The following FAM227B variants were observed in gnomAD, a reference collection of about 807,000 sequenced individuals.
FAM227B encodes the protein family with sequence similarity 227 member B.
Under a neutral mutation model 73.8 loss-of-function variants are expected in FAM227B, and 88 were observed. The ratio of observed to expected loss-of-function variants is 1.19; its 90% CI spans 1.00 to 1.42. The LOEUF (loss-of-function observed/expected upper bound fraction) is 1.42, where lower values mean the gene tolerates loss of function less well. Among genes scored for constraint, FAM227B ranks in the 40% most tolerant of loss-of-function variants. The probability of loss-of-function intolerance (pLI) is 0.00; values close to 1 mark genes in which losing one functional copy is unlikely to be tolerated. For missense variants in FAM227B, 632 were observed against 590.9 expected (o/e 1.07, Z -0.72); for synonymous variants, 210 against 190.5 (o/e 1.10, Z -0.84).
At chr15:49,395,739 C>T (rs1250775728) in intron 11 of FAM227B, among the ~76,000 whole-genome samples, 25 of 152,142 alleles carry the variant, frequency 1.6e-4, no homozygotes, top group African/African-American at 4.8e-5. Flanking sequence ...GTTCTTACAG[C>T]GACTACGAGG....
intron 15 of FAM227B, chr15:49,331,554 G>A (rs1038159829): frequency 1.9e-5 from 9 of 477,826 alleles, no homozygotes; most frequent in Non-Finnish European, 1.8e-5. Flanking sequence ...TACATAAACT[G>A]TTCCTGGTCA....
intron 13 of FAM227B, among the ~76,000 whole-genome samples, chr15:49,352,918 G>A (rs1200667106): frequency 1.3e-5 from 2 of 152,124 alleles, no homozygotes; most frequent in African/African-American, 4.8e-5. Flanking sequence ...TGTTACACTG[G>A]TGTTCTGTCT....
intron 11 of FAM227B, among the ~76,000 whole-genome samples, chr15:49,378,066 C>G (rs1380004666): frequency 6.6e-6 from 1 of 152,118 alleles, no homozygotes; most frequent in Non-Finnish European, 1.5e-5. Context: ...TAGTTTCAGT[C>G]TTCTGAATAT....
chr15:49,443,948 G>A (rs1456140071), intron 11 of FAM227B, among the ~76,000 whole-genome samples: 14 of 151,538 alleles, frequency 9.2e-5, no homozygotes. Flanking sequence ...TTTACATCAT[G>A]CTTCTACATA....
chr15:49,352,431 TTAAG>T, intron 13 of FAM227B, among the ~76,000 whole-genome samples: 1 of 152,290 alleles, frequency 6.6e-6, no homozygotes, highest in South Asian at 2.1e-4. Flanking sequence ...AGGACTTATG[TTAAG>T]TAAGTCCACT....
chr15:49,378,289 T>C (rs1034475640), intron 11 of FAM227B, among the ~76,000 whole-genome samples: 2 of 152,020 alleles, frequency 1.3e-5, no homozygotes, highest in African/African-American at 4.8e-5. Context: ...AGGATAGCTT[T>C]GGTTTTTCTT....
chr15:49,509,927 T>A (rs1417933708), intron 10 of FAM227B, among the ~76,000 whole-genome samples: 1 of 152,188 alleles, frequency 6.6e-6, no homozygotes, highest in Non-Finnish European at 1.5e-5. Context: ...ATAAAATTTA[T>A]ACAGACATAC....
chr15:49,585,706 G>A (rs959244326), intron 5 of FAM227B, among the ~76,000 whole-genome samples: 1 of 152,154 alleles, frequency 6.6e-6, no homozygotes, highest in Non-Finnish European at 1.5e-5. Context: ...GTGGGTGGAG[G>A]GGGGAGGGAT....
At chr15:49,613,961 T>C (rs1001563723) in intron 2 of FAM227B, among the ~76,000 whole-genome samples, 4 of 152,222 alleles carry the variant, frequency 2.6e-5, no homozygotes, top group South Asian at 2.1e-4. Context: ...ATAATATCTC[T>C]AGCTTCATGG....
At chr15:49,562,269 A>T (rs2074320343) in intron 9 of FAM227B, among the ~76,000 whole-genome samples, 1 of 152,120 alleles carries the variant, frequency 6.6e-6, no homozygotes, top group South Asian at 2.1e-4. Flanking sequence ...AAATTCCTAG[A>T]AATATAAAAC....
intron 5 of FAM227B, among the ~76,000 whole-genome samples, chr15:49,585,397 G>A (rs1171598739): frequency 6.6e-6 from 1 of 152,216 alleles, no homozygotes; most frequent in Admixed American, 6.5e-5. Flanking sequence ...GCACACGTAT[G>A]CTTACTGCGG....
At chr15:49,500,612 T>A (rs905429634) in intron 11 of FAM227B, among the ~76,000 whole-genome samples, 1 of 152,240 alleles carries the variant, frequency 6.6e-6, no homozygotes, top group Non-Finnish European at 1.5e-5. Context: ...CAAGTGTTAG[T>A]AAGGAAGTAA....
At chr15:49,611,292 T>C in intron 2 of FAM227B, 24 bp from the exon 3 acceptor site, 2 of 1,378,690 alleles carry the variant, frequency 1.5e-6, no homozygotes, top group Non-Finnish European at 2.1e-6. Flanking sequence ...ATCAACATTG[T>C]TCATTGGCAT....
intron 3 of FAM227B, among the ~76,000 whole-genome samples, chr15:49,601,099 T>G (rs2077177505): frequency 6.6e-6 from 1 of 150,460 alleles, no homozygotes; most frequent in South Asian, 2.1e-4. Flanking sequence ...CTGATTGTTT[T>G]GTATTAGGTT....
chr15:49,483,937 G>C (rs577693553), intron 11 of FAM227B, among the ~76,000 whole-genome samples: 1 of 152,028 alleles, frequency 6.6e-6, no homozygotes. Flanking sequence ...GGGAGGCAGA[G>C]GTTCTGCTAA....
At chr15:49,350,501 T>C (rs1567124361) in intron 13 of FAM227B, among the ~76,000 whole-genome samples, 1 of 152,230 alleles carries the variant, frequency 6.6e-6, no homozygotes, top group Non-Finnish European at 1.5e-5. Context: ...GTTAAGTTTT[T>C]ACTGGGAGAT....
chr15:49,593,684 C>T (rs1239035505), intron 3 of FAM227B, among the ~76,000 whole-genome samples: 3 of 151,892 alleles, frequency 2.0e-5, no homozygotes, highest in African/African-American at 7.3e-5. Flanking sequence ...TGAGAACATA[C>T]GATATTTGAT....
At position 49,367,554 on chromosome 15, in the gene FAM227B, C is replaced by G. The variant is rs1466160135; in HGVS notation, c.1165G>C (p.Gly389Arg). 1.2e-6 allele frequency: 2 copies of G among 1,605,140 alleles called. No homozygotes were observed. The change falls in exon 13 of 16, where the codon GGT becomes CGT. Residue 389 changes from glycine to arginine, a missense_variant. By Grantham distance (125) the Gly-to-Arg change is moderately radical. Transcript: ENST00000299338. Reference protein sequence around the residue: ...EFNRVLFNFGGQSPLILYYLK... With the variant: ...EFNRVLFNFGRQSPLILYYLK... ...TAATATAAAATCAATGGACTCTGAC[C>G]TCCAAAATTGAAGAGAACACGATTA...
intron 11 of FAM227B, among the ~76,000 whole-genome samples, chr15:49,489,877 TA>T (rs2056897222): frequency 2.8e-4 from 5 of 17,574 alleles, no homozygotes; most frequent in African/African-American, 6.8e-4. Context: ...TATATATATA[TA>T]TATATAGAGA....
Sources: gnomAD v4.1 joint callset for allele counts (sites outside exome capture counted in the v4.1 genomes callset) on GRCh38, gnomAD v4.1.1 for gene constraint, MANE v1.5 for transcripts, NCBI Gene and HGNC (gene_info 2026-07-23, HGNC 2026-07-21) for gene names.